The following GABRA3 variants were observed in gnomAD, a reference collection of about 807,000 sequenced individuals.
GABRA3 encodes the protein gamma-aminobutyric acid receptor subunit alpha-3.
A neutral mutation model predicts 30.1 loss-of-function variants in GABRA3; 10 were observed. That is an observed-to-expected ratio of 0.33 (90% CI 0.20 to 0.56). The LOEUF (loss-of-function observed/expected upper bound fraction) is 0.56. Ranked by LOEUF, GABRA3 falls within the 20% of genes least tolerant of loss-of-function variation. The pLI is 0.89. For missense variants in GABRA3, 233 were observed against 392.0 expected (o/e 0.59, Z 3.42); for synonymous variants, 151 against 146.8 (o/e 1.03, Z -0.21).
chrX:152,443,039 A>AAAATGTAAACTTTT (rs1294209766), intron 1 of GABRA3, among the ~76,000 whole-genome samples: 1 of 112,150 alleles, frequency 8.9e-6, no homozygotes, highest in African/African-American at 3.2e-5. Context: ...AAGTCAATTT[A>AAAATGTAAACTTTT]AAATGTAAAC....
At chrX:152,228,530 G>A (rs983780651) in intron 5 of GABRA3, among the ~76,000 whole-genome samples, 5 of 111,163 alleles carry the variant, frequency 4.5e-5, no homozygotes, top group African/African-American at 1.3e-4. Flanking sequence ...ACTCATAAGA[G>A]GCAGTGTCTT....
At chrX:152,255,654 T>C (rs1603227057) in intron 5 of GABRA3, 124 bp downstream of exon 5, 1 of 549,108 alleles carries the variant, frequency 1.8e-6, no homozygotes, top group East Asian at 3.3e-5. Context: ...AGGAAGTATA[T>C]ACATACCTGT....
At chrX:152,354,834 A>G (rs1306267826) in intron 2 of GABRA3, among the ~76,000 whole-genome samples, 2 of 111,631 alleles carry the variant, frequency 1.8e-5, no homozygotes, top group Non-Finnish European at 3.8e-5. Flanking sequence ...ACAGCCTCTC[A>G]GGTCCCAAGT....
chrX:152,373,642 T>C (rs769958087), intron 1 of GABRA3, among the ~76,000 whole-genome samples: 2 of 111,874 alleles, frequency 1.8e-5, no homozygotes, highest in Non-Finnish European at 3.8e-5. Flanking sequence ...TTTATTATTA[T>C]TATGCTTTAA....
At chrX:152,315,606 T>A (rs1939861674) in intron 3 of GABRA3, among the ~76,000 whole-genome samples, 1 of 111,082 alleles carries the variant, frequency 9.0e-6, no homozygotes, top group Non-Finnish European at 1.9e-5. Flanking sequence ...CTGAGACAAG[T>A]TCTCAGCCTT....
intron 5 of GABRA3, among the ~76,000 whole-genome samples, chrX:152,245,393 T>C (rs1183576622): frequency 9.0e-6 from 1 of 111,197 alleles, no homozygotes; most frequent in African/African-American, 3.3e-5. Flanking sequence ...ACTTGAAATA[T>C]ACTACCACCA....
intron 4 of GABRA3, among the ~76,000 whole-genome samples, chrX:152,276,183 A>G (rs1002731500): frequency 3.6e-5 from 4 of 111,754 alleles, no homozygotes; most frequent in African/African-American, 1.3e-4. Context: ...AAGGTTGCCT[A>G]GAGTTTATAC....
At chrX:152,233,849 T>G (rs1265805199) in intron 5 of GABRA3, among the ~76,000 whole-genome samples, 1 of 106,225 alleles carries the variant, frequency 9.4e-6, no homozygotes, top group Admixed American at 1.0e-4. Flanking sequence ...ATATACACCA[T>G]GGAATACTAT....
chrX:152,275,677 TG>T (rs1939070334), intron 4 of GABRA3, among the ~76,000 whole-genome samples: 1 of 108,209 alleles, frequency 9.2e-6, no homozygotes. Flanking sequence ...GAGAATCGCT[TG>T]AACCTGGGAG....
intron 4 of GABRA3, among the ~76,000 whole-genome samples, chrX:152,283,298 T>A (rs1390723388): frequency 1.8e-5 from 2 of 111,595 alleles, no homozygotes; most frequent in Non-Finnish European, 3.8e-5. Context: ...GTGTGTCAAA[T>A]GCTGTTAAGT....
chrX:152,302,350 G>C (rs965399147), intron 3 of GABRA3, among the ~76,000 whole-genome samples: 10 of 111,473 alleles, frequency 9.0e-5, no homozygotes, highest in Non-Finnish European at 1.5e-4. Flanking sequence ...AATAAAAAAT[G>C]TATGCAATGC....
At chrX:152,245,280 CA>C (rs1343820029) in intron 5 of GABRA3, among the ~76,000 whole-genome samples, 1 of 110,950 alleles carries the variant, frequency 9.0e-6, no homozygotes, top group Non-Finnish European at 1.9e-5. Context: ...GGTGCCAGGC[CA>C]GCTATTTCTA....
At chrX:152,361,571 CAAAAA>C (rs35341591) in intron 2 of GABRA3, among the ~76,000 whole-genome samples, 2 of 35,007 alleles carry the variant, frequency 5.7e-5, no homozygotes, top group African/African-American at 1.8e-4. Flanking sequence ...GACTCCATCT[CAAAAA>C]AAAAAAAAAA....
intron 1 of GABRA3, among the ~76,000 whole-genome samples, chrX:152,421,971 A>G (rs1440551575): frequency 1.8e-5 from 2 of 111,425 alleles, no homozygotes; most frequent in Admixed American, 1.9e-4. Context: ...CTGAACAAAA[A>G]CTTTGGAAAC....
At chrX:152,379,796 A>T (rs1395362031) in intron 1 of GABRA3, among the ~76,000 whole-genome samples, 1 of 111,353 alleles carries the variant, frequency 9.0e-6, no homozygotes, top group African/African-American at 3.3e-5. Context: ...GACTGATATT[A>T]TTTTTAATTG....
chrX:152,206,520 C>G (rs1019566561), intron 7 of GABRA3, among the ~76,000 whole-genome samples: 4 of 111,806 alleles, frequency 3.6e-5, no homozygotes. Flanking sequence ...GCAGCCAGTG[C>G]AGGAAAAGTA....
intron 2 of GABRA3, among the ~76,000 whole-genome samples, chrX:152,351,100 G>T (rs1940472636): frequency 8.9e-6 from 1 of 111,767 alleles, no homozygotes; most frequent in South Asian, 3.7e-4. Flanking sequence ...AGTGGATTTA[G>T]CATAATTCTT....
chrX:152,358,909 A>G (rs1940591774), intron 2 of GABRA3, among the ~76,000 whole-genome samples: 1 of 111,932 alleles, frequency 8.9e-6, no homozygotes, highest in African/African-American at 3.2e-5. Context: ...CCAGGCATAA[A>G]GTCTACTTGA....
intron 1 of GABRA3, among the ~76,000 whole-genome samples, chrX:152,412,122 A>G (rs1437110319): frequency 8.9e-6 from 1 of 111,863 alleles, no homozygotes; most frequent in Non-Finnish European, 1.9e-5. Context: ...AAATTGTAAC[A>G]TACCACTTCA....
Sources: gnomAD v4.1 joint callset for allele counts (sites outside exome capture counted in the v4.1 genomes callset) on GRCh38, gnomAD v4.1.1 for gene constraint, MANE v1.5 for transcripts, NCBI Gene and HGNC (gene_info 2026-07-23, HGNC 2026-07-21) for gene names.